ANK1: variants seen among roughly 807,000 people sequenced by gnomAD.
ANK1 encodes the protein ankyrin-1.
In ANK1, 51 loss-of-function variants were observed where a neutral mutation model predicts 210.4. The observed-to-expected ratio is 0.24, with a 90% CI of 0.19 to 0.31. ANK1 has a LOEUF of 0.31. Among genes scored for constraint, ANK1 ranks in the 10% least tolerant of loss-of-function variants. ANK1 has a pLI of 1.00. For synonymous variants in ANK1, 967 were observed against 1,025.9 expected (o/e 0.94, Z 1.10); for missense variants, 2,051 against 2,504.4 (o/e 0.82, Z 3.86).
At chr8:41,850,421 T>C (rs1219068185) in intron 1 of ANK1, among the ~76,000 whole-genome samples, 1 of 152,210 alleles carries the variant, frequency 6.6e-6, no homozygotes, top group African/African-American at 2.4e-5. Context: ...ACTAACTCAC[T>C]GGCATATTAT....
At chr8:41,702,026 T>C (rs1320500357) in intron 21 of ANK1, 26 bp downstream of exon 21, 1 of 1,597,730 alleles carries the variant, frequency 6.3e-7, no homozygotes, top group South Asian at 1.1e-5. Context: ...GTGTCTGGGG[T>C]GGGTGCGGGG....
chr8:41,835,388 G>A (rs1267605338), intron 1 of ANK1, among the ~76,000 whole-genome samples: 1 of 152,144 alleles, frequency 6.6e-6, no homozygotes, highest in Non-Finnish European at 1.5e-5. Flanking sequence ...GGAGGTGGAG[G>A]TAGCAGTGAG....
At chr8:41,677,590 C>G (rs1311198346) in intron 37 of ANK1, among the ~76,000 whole-genome samples, 2 of 133,668 alleles carry the variant, frequency 1.5e-5, no homozygotes, top group Admixed American at 1.6e-4. Flanking sequence ...TTCCCTTTTT[C>G]TTTGTTTTTT....
rs1182581559 is a variant in ANK1, at chr8:41,719,808, A to G, written c.960T>C (p.Cys320=). 6.2e-7 allele frequency: 1 copy of G among 1,614,054 alleles called. No homozygotes were observed. Among genetic ancestry groups the G allele is most frequent in the Non-Finnish European group, 8.5e-7 (1 of 1,180,034 alleles). Residue 320 remains cysteine (C), a synonymous_variant, in exon 10 of 43, where the codon TGT becomes TGC. Transcript: ENST00000289734. ...CGTCGTATTGCAACAGGAGCCGGAC[A>G]CAGTCGAGGTGGTCTCCCTGAGCCG... ...HMAAQGDHLD[C]VRLLLQYDAE...
intron 1 of ANK1, among the ~76,000 whole-genome samples, chr8:41,761,092 T>C (rs1009568633): frequency 6.6e-6 from 1 of 151,252 alleles, no homozygotes; most frequent in African/African-American, 2.4e-5. Context: ...CAAGTGTCCT[T>C]AGAAAAGACA....
chr8:41,655,851 G>GA, intron 42 of ANK1, 98 bp from the exon 43 acceptor site: 1 of 1,376,816 alleles, frequency 7.3e-7, no homozygotes, highest in Non-Finnish European at 1.0e-6. Context: ...AGCTCAGGCC[G>GA]AATCTGACTC....
chr8:41,720,333 T>TTGAA (rs950705408), intron 9 of ANK1, among the ~76,000 whole-genome samples: 17 of 152,286 alleles, frequency 1.1e-4, no homozygotes, highest in South Asian at 6.2e-4. Flanking sequence ...TTATGTGATT[T>TTGAA]TGAATGAATG....
intron 1 of ANK1, among the ~76,000 whole-genome samples, chr8:41,849,628 C>G (rs1205260719): frequency 6.6e-6 from 1 of 152,218 alleles, no homozygotes; most frequent in Non-Finnish European, 1.5e-5. Context: ...GACAATGATC[C>G]CCTCGGATCC....
intron 40 of ANK1, among the ~76,000 whole-genome samples, chr8:41,663,112 CTCTG>C (rs940653690): frequency 3.9e-5 from 5 of 129,482 alleles, no homozygotes; most frequent in Non-Finnish European, 6.8e-5. Context: ...CTCTCTCTCT[CTCTG>C]TGTGTGTGTG....
chr8:41,723,240 C>T lies in ANK1; in HGVS notation c.811-17G>A, dbSNP rs768553835. 1.2e-6 allele frequency: 2 copies of T among 1,613,682 alleles called. No homozygotes were observed. The highest frequency in any genetic ancestry group is 4.5e-5 in the East Asian group (2 of 44,880). On this transcript the variant is annotated splice_polypyrimidine_tract_variant and intron_variant, in intron 8 of 42. Coordinates refer to ENST00000289734, the MANE Select transcript of ANK1 (RefSeq NM_000037.4). ...CAATTCGTCCTTTAAAAGACAGAGT[C>T]AAAAACAGAAAGCCCAAAAGGCAGC...
chr8:41,883,590 G>T (rs1234504981), intron 1 of ANK1, among the ~76,000 whole-genome samples: 1 of 152,106 alleles, frequency 6.6e-6, no homozygotes, highest in Non-Finnish European at 1.5e-5. Flanking sequence ...CTCCTAAGTA[G>T]CTGGGAATAC....
intron 1 of ANK1, among the ~76,000 whole-genome samples, chr8:41,885,464 C>T (rs1283089298): frequency 6.6e-6 from 1 of 152,170 alleles, no homozygotes; most frequent in Admixed American, 6.5e-5. Context: ...TAGTTAAGTG[C>T]AACAGCTCAA....
chr8:41,700,441 T>C, intron 22 of ANK1: 1 of 1,613,814 alleles, frequency 6.2e-7, no homozygotes, highest in Non-Finnish European at 8.5e-7. Flanking sequence ...CCATTATAGT[T>C]ATATGAGCAG....
chr8:41,723,136 C>G lies in ANK1; in HGVS notation c.898G>C (p.Ala300Pro). 4 of 1,614,160 alleles carry G rather than the reference C, an allele frequency of 2.5e-6. No homozygotes were observed. The highest frequency in any genetic ancestry group is 3.4e-6 in the Non-Finnish European group (4 of 1,180,032). Residue 300 changes from alanine (A) to proline (P), a missense_variant, in exon 9 of 43, where the codon GCC becomes CCC. By Grantham distance (27) the Ala-to-Pro change is conservative (BLOSUM62 -1). Around this residue, in one of 6 missense-constraint regions of ANK1, gnomAD observed 1,413 missense variants for 1,707.4 expected, o/e 0.83. Coordinates refer to ENST00000289734, the MANE Select transcript of ANK1 (RefSeq NM_000037.4). Reference sequence around the variant, plus strand: ...AAGGAAGTACACACCTTGGTTTTGGCTTGGATTGGTGCCCCGTGGTCCAGC... The same window carrying G: ...AAGGAAGTACACACCTTGGTTTTGGGTTGGATTGGTGCCCCGTGGTCCAGC... ...ILLDHGAPIQAKTKNGLSPIH... is the reference protein window; with the variant it reads ...ILLDHGAPIQPKTKNGLSPIH...
At chr8:41,713,123 G>A (rs1156979798) in intron 16 of ANK1, among the ~76,000 whole-genome samples, 4 of 152,260 alleles carry the variant, frequency 2.6e-5, no homozygotes, top group African/African-American at 9.6e-5. Flanking sequence ...TAAGCCAGCA[G>A]GTGTTGGCTG....
chr8:41,741,778 T>A (rs1320850604), intron 2 of ANK1, among the ~76,000 whole-genome samples: 1 of 152,148 alleles, frequency 6.6e-6, no homozygotes, highest in Non-Finnish European at 1.5e-5. Context: ...ATTATCGAGC[T>A]TTTTGTCATT....
chr8:41,718,053 G>T, intron 11 of ANK1, 53 bp downstream of exon 11: 1 of 1,548,278 alleles, frequency 6.5e-7, no homozygotes. Flanking sequence ...TGGAGAAGGT[G>T]GGTCGGGGGA....
intron 1 of ANK1, among the ~76,000 whole-genome samples, chr8:41,863,491 T>C (rs1813700988): frequency 6.6e-6 from 1 of 152,322 alleles, no homozygotes; most frequent in South Asian, 2.1e-4. Context: ...ATTTCAAAAC[T>C]GTGTGTACCT....
chr8:41,783,603 G>A (rs1041370207), intron 1 of ANK1, among the ~76,000 whole-genome samples: 11 of 141,720 alleles, frequency 7.8e-5, no homozygotes, highest in Admixed American at 2.8e-4. Context: ...AAATCTGAAC[G>A]CCATCCTCTT....
Sources: gnomAD v4.1 joint callset for allele counts (sites outside exome capture counted in the v4.1 genomes callset) on GRCh38, gnomAD v4.1.1 for gene constraint, gnomAD v4.1.1 regional missense constraint, MANE v1.5 for transcripts, NCBI Gene and HGNC (gene_info 2026-07-23, HGNC 2026-07-21) for gene names.